The following MAD1L1 variants were observed in gnomAD, a reference collection of about 807,000 sequenced individuals.
MAD1L1 encodes the protein mitotic arrest deficient 1 like 1, also known as mitotic spindle assembly checkpoint protein MAD1.
Under a neutral mutation model 96.9 loss-of-function variants are expected in MAD1L1, and 95 were observed. That is an observed-to-expected ratio of 0.98 (90% CI 0.83 to 1.16). The LOEUF is 1.16. MAD1L1 is among the 50% of genes most tolerant of loss of function. The probability of loss-of-function intolerance (pLI) is 0.00; values close to 1 mark genes in which losing one functional copy is unlikely to be tolerated. For synonymous variants in MAD1L1, 473 were observed against 396.6 expected (o/e 1.19, Z -2.29); for missense variants, 1,007 against 954.4 (o/e 1.06, Z -0.73).
chr7:1,981,745 G>A (rs1780917017), intron 14 of MAD1L1, among the ~76,000 whole-genome samples: 1 of 152,116 alleles, frequency 6.6e-6, no homozygotes, highest in East Asian at 1.9e-4. Flanking sequence ...GATGTGAGGG[G>A]GACAACACCC....
At chr7:2,128,609 A>C (rs1014801519) in intron 11 of MAD1L1, among the ~76,000 whole-genome samples, 1 of 152,242 alleles carries the variant, frequency 6.6e-6, no homozygotes, top group Non-Finnish European at 1.5e-5. Flanking sequence ...GTAACATGGA[A>C]GGATGAGCGG....
At chr7:2,011,748 A>C (rs1782312557) in intron 13 of MAD1L1, among the ~76,000 whole-genome samples, 1 of 152,208 alleles carries the variant, frequency 6.6e-6, no homozygotes. Flanking sequence ...GCACAGGCTC[A>C]GGGAACAGCC....
chr7:1,975,858 G>C (rs756403956), intron 15 of MAD1L1, among the ~76,000 whole-genome samples: 1 of 152,264 alleles, frequency 6.6e-6, no homozygotes, highest in South Asian at 2.1e-4. Context: ...GCGAGGGTCC[G>C]AGTGTGACTA....
At chr7:2,227,371 A>G (rs1793956669) in intron 3 of MAD1L1, among the ~76,000 whole-genome samples, 1 of 152,198 alleles carries the variant, frequency 6.6e-6, no homozygotes, top group Non-Finnish European at 1.5e-5. Flanking sequence ...GAGAAGCACC[A>G]GAGTAGAGTG....
chr7:2,225,678 G>A (rs578124794), intron 3 of MAD1L1, 128 bp from the exon 4 acceptor site: 2 of 1,040,212 alleles, frequency 1.9e-6, no homozygotes, highest in South Asian at 3.2e-5. Flanking sequence ...GTCTTGATGT[G>A]GCCCAGCCAC....
At chr7:1,951,018 G>A (rs1562555404) in intron 16 of MAD1L1, among the ~76,000 whole-genome samples, 1 of 152,242 alleles carries the variant, frequency 6.6e-6, no homozygotes, top group East Asian at 1.9e-4. Flanking sequence ...GCACTGTCCT[G>A]GTCCCGCTGC....
intron 12 of MAD1L1, among the ~76,000 whole-genome samples, chr7:2,050,669 TG>T (rs56263929): frequency 0.14 from 21,767 of 152,032 alleles, 1,936 homozygotes; most frequent in South Asian, 0.29. Context: ...ACAAGGCTCT[TG>T]GGTGTGCCGT....
intron 11 of MAD1L1, among the ~76,000 whole-genome samples, chr7:2,128,199 C>G (rs778828225): frequency 1.3e-5 from 2 of 152,168 alleles, no homozygotes; most frequent in South Asian, 2.1e-4. Flanking sequence ...TGCATACATT[C>G]TTTAGAGTTC....
intron 17 of MAD1L1, among the ~76,000 whole-genome samples, chr7:1,912,503 T>G (rs6461009): frequency 2.0e-5 from 3 of 152,012 alleles, no homozygotes; most frequent in Non-Finnish European, 4.4e-5. Context: ...GGGCAAGGGG[T>G]GCCCATCCTC....
chr7:1,878,662 T>C (rs192669731), intron 18 of MAD1L1, among the ~76,000 whole-genome samples: 1 of 151,500 alleles, frequency 6.6e-6, no homozygotes. Context: ...GAAAAACTCA[T>C]ATTTAACAGC....
chr7:1,885,729 C>T (rs1401364535), intron 18 of MAD1L1, among the ~76,000 whole-genome samples: 3 of 152,206 alleles, frequency 2.0e-5, no homozygotes, highest in Non-Finnish European at 4.4e-5. Context: ...CCCCGTGGAG[C>T]AGAGGCAGAT....
intron 13 of MAD1L1, among the ~76,000 whole-genome samples, chr7:2,003,280 G>A (rs988985293): frequency 2.0e-5 from 3 of 152,178 alleles, no homozygotes; most frequent in Non-Finnish European, 2.9e-5. Flanking sequence ...GTACACAAGT[G>A]TGGGTATGTA....
intron 18 of MAD1L1, among the ~76,000 whole-genome samples, chr7:1,888,390 G>GTGTGCATGTGTGTGGCTGCC (rs1554284505): frequency 4.7e-5 from 7 of 148,426 alleles, no homozygotes; most frequent in Non-Finnish European, 1.0e-4. Flanking sequence ...CTATGCGTGT[G>GTGTGCATGTGTGTGGCTGCC]TGTGCATGCG....
chr7:2,013,507 G>C (rs1286489811), intron 13 of MAD1L1, among the ~76,000 whole-genome samples: 1 of 152,230 alleles, frequency 6.6e-6, no homozygotes, highest in African/African-American at 2.4e-5. Context: ...CCCCAGGCCT[G>C]GGTTTCCTCG....
chr7:2,134,978 C>G (rs555460105), intron 11 of MAD1L1, among the ~76,000 whole-genome samples: 1 of 152,220 alleles, frequency 6.6e-6, no homozygotes, highest in Non-Finnish European at 1.5e-5. Flanking sequence ...TCCAGAAAAA[C>G]CAGAACTGAG....
intron 18 of MAD1L1, among the ~76,000 whole-genome samples, chr7:1,821,704 C>T (rs1273365934): frequency 6.6e-6 from 1 of 152,190 alleles, no homozygotes; most frequent in Non-Finnish European, 1.5e-5. Context: ...CCTATTGGCA[C>T]AGGCAAAGCA....
At chr7:2,206,986 C>T (rs1309253081) in intron 10 of MAD1L1, among the ~76,000 whole-genome samples, 1 of 148,058 alleles carries the variant, frequency 6.8e-6, no homozygotes, top group Non-Finnish European at 1.5e-5. Flanking sequence ...GAGGCTGAGG[C>T]AGAATTGCTT....
intron 16 of MAD1L1, among the ~76,000 whole-genome samples, chr7:1,952,322 G>A (rs998599912): frequency 2.0e-5 from 3 of 152,238 alleles, no homozygotes; most frequent in African/African-American, 7.2e-5. Context: ...CCTCCCCGGC[G>A]GCCCGGTCCG....
At chr7:2,054,835 T>C (rs1412516938) in intron 12 of MAD1L1, among the ~76,000 whole-genome samples, 1 of 152,206 alleles carries the variant, frequency 6.6e-6, no homozygotes, top group African/African-American at 2.4e-5. Context: ...AAGCTGAACT[T>C]GAGCTGCGCT....
Sources: allele counts gnomAD v4.1 joint callset (sites outside exome capture counted in the v4.1 genomes callset), GRCh38; gene constraint gnomAD v4.1.1; transcripts MANE v1.5; gene names NCBI Gene and HGNC (gene_info 2026-07-23, HGNC 2026-07-21).